OVAAL: variants seen among roughly 807,000 people sequenced by gnomAD.
OVAAL encodes the protein ovarian adenocarcinoma amplified long non-coding RNA.
At chr1:180,561,157 C>T (rs1476942368) in intron 1 of OVAAL, among the ~76,000 whole-genome samples, 3 of 152,220 alleles carry the variant, frequency 2.0e-5, no homozygotes, top group Non-Finnish European at 4.4e-5. Context: ...CCTGCCTGAG[C>T]ATGCTCCTCT....
intron 2 of OVAAL, among the ~76,000 whole-genome samples, chr1:180,564,420 A>C (rs972922638): frequency 6.6e-6 from 1 of 152,164 alleles, no homozygotes; most frequent in African/African-American, 2.4e-5. Context: ...TGACAACCCT[A>C]GTCTAACTAG....
intron 2 of OVAAL, among the ~76,000 whole-genome samples, chr1:180,563,409 C>T (rs1331884958): frequency 6.6e-6 from 1 of 152,084 alleles, no homozygotes; most frequent in Non-Finnish European, 1.5e-5. Flanking sequence ...TCGGCAGCAA[C>T]CTCAATCGGG....
intron 2 of OVAAL, among the ~76,000 whole-genome samples, chr1:180,562,838 C>G (rs1422815229): frequency 1.3e-5 from 2 of 152,208 alleles, no homozygotes; most frequent in Non-Finnish European, 2.9e-5. Context: ...GTGACACAGA[C>G]AGAGTGACAG....
chr1:180,566,209 A>C (rs1653285312), exon 3 of OVAAL: 1 of 152,240 alleles, frequency 6.6e-6, no homozygotes, highest in Non-Finnish European at 1.5e-5. Context: ...GCAGGTTTGA[A>C]CGTCTTCGGC....
intron 1 of OVAAL, among the ~76,000 whole-genome samples, chr1:180,560,065 G>A (rs1653173832): frequency 6.6e-6 from 1 of 152,078 alleles, no homozygotes; most frequent in African/African-American, 2.4e-5. Context: ...AACCATATGA[G>A]AAGATACATT....
chr1:180,559,385 G>A (rs1653159142), intron 1 of OVAAL, among the ~76,000 whole-genome samples: 2 of 152,184 alleles, frequency 1.3e-5, no homozygotes, highest in Admixed American at 6.5e-5. Flanking sequence ...GGGAACTGGA[G>A]CAAAGCACTT....
rs923675819 is a variant in OVAAL, at chr1:180,559,479, C to T, written n.373-2725C>T. Among the ~76,000 whole-genome samples, 4 of 152,256 alleles carry T rather than the reference C, an allele frequency of 2.6e-5. No individual in the cohort carries two copies. In the East Asian group the frequency reaches 7.7e-4, roughly 29 times the overall value. On this transcript the variant is annotated intron_variant and non_coding_transcript_variant, in intron 1 of 2. Transcript: ENST00000673955. The stretch of plus-strand genomic sequence containing the variant: ...ACTTTGAACTTAAGAGAGACAATTT[C>T]AGGTATCTGGTGGAAGAAATTTCTA...
At chr1:180,562,130 C>T (rs1239748505) in intron 1 of OVAAL, 4 of 152,256 alleles carry the variant, frequency 2.6e-5, no homozygotes, top group African/African-American at 9.7e-5. Context: ...GCAAGGCTTT[C>T]TGGTCAGTCT....
intron 1 of OVAAL, among the ~76,000 whole-genome samples, chr1:180,561,658 C>A (rs1001076380): frequency 6.6e-6 from 1 of 152,120 alleles, no homozygotes; most frequent in Non-Finnish European, 1.5e-5. Context: ...AAAACCCCAA[C>A]AAGTTGGTCT....
intron 1 of OVAAL, chr1:180,559,106 A>T (rs1489220953): frequency 6.4e-6 from 1 of 155,798 alleles, no homozygotes; most frequent in Admixed American, 6.5e-5. Flanking sequence ...GTATGTCTTT[A>T]TCAGCAGTAT....
At chr1:180,561,852 A>G (rs1240186583) in intron 1 of OVAAL, among the ~76,000 whole-genome samples, 4 of 151,924 alleles carry the variant, frequency 2.6e-5, no homozygotes, top group Non-Finnish European at 4.4e-5. Context: ...GTGAAATCCT[A>G]TCTCTACTAA....
At chr1:180,561,385 A>G (rs1204871476) in intron 1 of OVAAL, among the ~76,000 whole-genome samples, 1 of 152,194 alleles carries the variant, frequency 6.6e-6, no homozygotes, top group East Asian at 1.9e-4. Flanking sequence ...ATTTGCTGTC[A>G]GAACAATCCA....
At chr1:180,565,004 C>A (rs1653266561) in intron 2 of OVAAL, among the ~76,000 whole-genome samples, 1 of 152,136 alleles carries the variant, frequency 6.6e-6, no homozygotes, top group East Asian at 1.9e-4. Flanking sequence ...CTTTAAATAC[C>A]CTCTTTGTAG....
chr1:180,559,802 A>T (rs546654073), intron 1 of OVAAL, among the ~76,000 whole-genome samples: 1 of 151,714 alleles, frequency 6.6e-6, no homozygotes, highest in African/African-American at 2.4e-5. Flanking sequence ...GCTACTCAGG[A>T]GGCTGAGGCA....
At chr1:180,563,251 G>C (rs572444976) in intron 2 of OVAAL, among the ~76,000 whole-genome samples, 2 of 152,310 alleles carry the variant, frequency 1.3e-5, no homozygotes, top group Non-Finnish European at 1.5e-5. Context: ...TGGAGTTCAC[G>C]TTCTGTTTCC....
At chr1:180,560,438 A>G (rs908110012) in intron 1 of OVAAL, among the ~76,000 whole-genome samples, 1 of 152,202 alleles carries the variant, frequency 6.6e-6, no homozygotes, top group Non-Finnish European at 1.5e-5. Flanking sequence ...TACAAAGTCT[A>G]GAGTGCACAG....
intron 1 of OVAAL, among the ~76,000 whole-genome samples, chr1:180,560,471 G>C (rs922055634): frequency 6.6e-6 from 1 of 152,102 alleles, no homozygotes; most frequent in African/African-American, 2.4e-5. Context: ...CTGTTTAGCT[G>C]TTCCTCCTAG....
rs180693161 is a variant in OVAAL, at chr1:180,560,128, A to G, written n.373-2076A>G. ...GCTTAGAGAGGGTAAGTTGACAAGAATTAGTAAGTGGCAGAAATGGAATCA... is the reference window on the plus strand; with the variant it reads ...GCTTAGAGAGGGTAAGTTGACAAGAGTTAGTAAGTGGCAGAAATGGAATCA... On this transcript the variant is annotated intron_variant and non_coding_transcript_variant, in intron 1 of 2. Transcript: ENST00000673955. Among the ~76,000 whole-genome samples the G allele has an allele frequency of 5.3e-5, 8 of 152,238 alleles. No individual in the cohort carries two copies. In the East Asian group the frequency reaches 1.2e-3, roughly 22 times the overall value.
chr1:180,564,469 T>C (rs1243387584), intron 2 of OVAAL, among the ~76,000 whole-genome samples: 2 of 152,114 alleles, frequency 1.3e-5, no homozygotes, highest in Non-Finnish European at 2.9e-5. Flanking sequence ...TAAACTACTG[T>C]GTTGTATTCA....
Sources: allele counts gnomAD v4.1 joint callset (sites outside exome capture counted in the v4.1 genomes callset), GRCh38; gene constraint gnomAD v4.1.1; transcripts MANE v1.5; gene names NCBI Gene and HGNC (gene_info 2026-07-23, HGNC 2026-07-21).